DBT: variants seen among roughly 807,000 people sequenced by gnomAD.
The protein encoded by DBT is dihydrolipoamide branched chain transacylase E2, also known as lipoamide acyltransferase component of branched-chain alpha-keto acid dehydrogenase complex, mitochondrial.
Under a neutral mutation model 51.3 loss-of-function variants are expected in DBT, and 40 were observed. The observed-to-expected ratio is 0.78, with a 90% CI of 0.61 to 1.02. The LOEUF (loss-of-function observed/expected upper bound fraction) is 1.02, where lower values mean the gene tolerates loss of function less well. Among genes scored for constraint, DBT ranks in the 50% least tolerant of loss-of-function variants. The pLI is 0.00. For missense variants in DBT, 510 were observed against 580.2 expected, an observed-to-expected ratio of 0.88 and a Z score of 1.24; for synonymous variants, 181 against 190.4, an observed-to-expected ratio of 0.95 and a Z score of 0.41.
In DBT at chr1:100,191,474, A is replaced by G. The variant is rs983601935; in HGVS notation, c.*4781T>C. 3 of 152,164 alleles carry G rather than the reference A, an allele frequency of 2.0e-5. No homozygotes were observed. Among genetic ancestry groups the G allele is most frequent in the East Asian group, 3.8e-4 (2 of 5,200 alleles). 9.4% of individuals were successfully genotyped at this position (152,164 alleles called of 1,614,324 possible). A position where few individuals can be genotyped will look rare whatever the true frequency, so the allele number is the denominator to read the frequency against. On this transcript the variant is annotated 3_prime_UTR_variant, in exon 11 of 11. Transcript: ENST00000370132. Reference sequence around the variant, plus strand: ...TTAAAGAACTCTCTTAGAAAAATTCATAATTTAACACGAACTGAGGTGGGA... The same window carrying G: ...TTAAAGAACTCTCTTAGAAAAATTCGTAATTTAACACGAACTGAGGTGGGA...
At position 100,196,199 on chromosome 1, in the gene DBT, C is replaced by G; in HGVS notation, c.*56G>C. The G allele has an allele frequency of 7.1e-7, 1 of 1,404,876 alleles. No homozygotes were observed. Among genetic ancestry groups the G allele is most frequent in the Non-Finnish European group, 1.0e-6 (1 of 990,058 alleles). The allele number at this position is 1,404,876 out of a possible 1,614,324, so 87.0% of individuals were successfully genotyped here. On this transcript the variant is annotated 3_prime_UTR_variant, in exon 11 of 11. Coordinates refer to ENST00000370132, the MANE Select transcript of DBT (RefSeq NM_001918.5). ...TAAAGATGAACATGTGCTGGCACAG[C>G]TAGGGTTTACATACTCTTTGGAAGC... is the stretch of plus-strand genomic sequence containing the variant.
chr1:100,239,484 A>C (rs1423188586), intron 2 of DBT, among the ~76,000 whole-genome samples: 1 of 152,110 alleles, frequency 6.6e-6, no homozygotes, highest in East Asian at 1.9e-4. Flanking sequence ...CATAGAAAAA[A>C]CATGGAAGAT....
At chr1:100,233,489 A>C (rs563217540) in intron 3 of DBT, among the ~76,000 whole-genome samples, 2 of 152,344 alleles carry the variant, frequency 1.3e-5, no homozygotes, top group African/African-American at 2.4e-5. Flanking sequence ...TCTGCCCTTT[A>C]GCATTTTACC....
rs540734302 is a variant in DBT at position 100,202,232 on chromosome 1, C to CA, written c.1281+3997dup. ...GAAGATTTACCAAGCAAGTGGAAAG[C>CA]AAAAAAAAAGAAAAAGCAGGGGTTG... On this transcript the variant is annotated intron_variant, in intron 10 of 10. Transcript: ENST00000370132. Among the ~76,000 whole-genome samples the CA allele has an allele frequency of 3.6e-3, 519 of 145,934 alleles. 4 individuals carry two copies. The highest frequency in any genetic ancestry group is 0.012 in the African/African-American group (478 of 39,668).
intron 7 of DBT, chr1:100,213,820 G>A (rs1662310950): frequency 7.1e-7 from 1 of 1,416,852 alleles, no homozygotes. Flanking sequence ...GTTTCCCGGA[G>A]CGTGGAGAGG....
At chr1:100,204,804 A>C (rs921348375) in intron 10 of DBT, among the ~76,000 whole-genome samples, 10 of 152,192 alleles carry the variant, frequency 6.6e-5, no homozygotes, top group Non-Finnish European at 8.8e-5. Context: ...AACACCACAC[A>C]TCTACAACCC....
At chr1:100,211,730 A>C (rs1662156934) in intron 7 of DBT, among the ~76,000 whole-genome samples, 1 of 152,192 alleles carries the variant, frequency 6.6e-6, no homozygotes, top group South Asian at 2.1e-4. Context: ...AAATATAATT[A>C]AAAGAACTGC....
At chr1:100,201,026 C>T (rs563168686) in intron 10 of DBT, among the ~76,000 whole-genome samples, 1 of 152,172 alleles carries the variant, frequency 6.6e-6, no homozygotes, top group East Asian at 1.9e-4. Context: ...CAACTCCTCG[C>T]CAGCAAGGGA....
chr1:100,229,240 T>C (rs1369480335), intron 4 of DBT, among the ~76,000 whole-genome samples: 2 of 152,150 alleles, frequency 1.3e-5, no homozygotes, highest in African/African-American at 4.8e-5. Flanking sequence ...CGATCTCGGC[T>C]CACTGCAACC....
intron 5 of DBT, among the ~76,000 whole-genome samples, chr1:100,217,989 A>G (rs1662598620): frequency 6.6e-6 from 1 of 152,200 alleles, no homozygotes; most frequent in South Asian, 2.1e-4. Flanking sequence ...TCCTTATCTT[A>G]CAGGGTTAAA....
chr1:100,246,901 G>A (rs1664571038), intron 1 of DBT, among the ~76,000 whole-genome samples: 1 of 152,246 alleles, frequency 6.6e-6, no homozygotes, highest in African/African-American at 2.4e-5. Context: ...ATGAGTAGGT[G>A]TAACCCCGGG....
chr1:100,216,005 T>G lies in DBT; in HGVS notation c.750A>C (p.Lys250Asn). 3 of 1,603,434 alleles carry G rather than the reference T, an allele frequency of 1.9e-6. No individual in the cohort carries two copies. Among genetic ancestry groups the G allele is most frequent in the Non-Finnish European group, 2.6e-6 (3 of 1,170,260 alleles). ...LVSKPPVFTGKDKTEPIKGFQ... is the reference protein window; with the variant it reads ...LVSKPPVFTGNDKTEPIKGFQ... ...TACCTTTTATGGGTTCTGTTTTGTC[T>G]TTGCCTGTGAATACCGGAGGTTTTG... is the stretch of plus-strand genomic sequence containing the variant. Residue 250 changes from lysine (K) to asparagine (N), a missense_variant, in exon 6 of 11, where the codon AAA becomes AAC. Lys to Asn is a moderately conservative substitution (Grantham distance 94). Transcript: ENST00000370132.
intron 8 of DBT, among the ~76,000 whole-genome samples, chr1:100,209,414 G>A (rs1361427050): frequency 6.6e-6 from 1 of 151,346 alleles, no homozygotes; most frequent in Non-Finnish European, 1.5e-5. Flanking sequence ...TCATTTTCTT[G>A]CCTGAAATTT....
At chr1:100,230,385 T>C (rs147105170) in intron 4 of DBT, among the ~76,000 whole-genome samples, 163 of 152,330 alleles carry the variant, frequency 1.1e-3, no homozygotes, top group Non-Finnish European at 1.8e-3. Flanking sequence ...ATAACGTCAC[T>C]GACTTATGTG....
rs1479911573 is a variant in DBT at position 100,195,397 on chromosome 1, C to T, written c.*858G>A. 1 of 152,476 alleles carries T rather than the reference C, an allele frequency of 6.6e-6. No individual in the cohort carries two copies. Among genetic ancestry groups the T allele is most frequent in the Admixed American group, 6.6e-5 (1 of 15,262 alleles). 9.4% of individuals were successfully genotyped at this position (152,476 alleles called of 1,614,324 possible). A position where few individuals can be genotyped will look rare whatever the true frequency, so the allele number is the denominator to read the frequency against. On this transcript the variant is annotated 3_prime_UTR_variant, in exon 11 of 11. Transcript: ENST00000370132. ...ATTTTAAGGCCAGTTTATACTTTTC[C>T]CTTTTCAAAGACATTAATTAATATA...
chr1:100,196,110 C>T lies in DBT; in HGVS notation c.*145G>A, dbSNP rs1007282780. ...ATTTTCAGTAAAAAGTCTAATAGAACAGTGACAAATATTGTGCCTTAGATC... is the reference window on the plus strand; with the variant it reads ...ATTTTCAGTAAAAAGTCTAATAGAATAGTGACAAATATTGTGCCTTAGATC... On this transcript the variant is annotated 3_prime_UTR_variant, in exon 11 of 11. Transcript: ENST00000370132. 1.3e-6 allele frequency: 1 copy of T among 757,782 alleles called. No individual in the cohort carries two copies. The highest frequency in any genetic ancestry group is 2.2e-6 in the Non-Finnish European group (1 of 444,730). 46.9% of individuals were successfully genotyped at this position (757,782 alleles called of 1,614,324 possible).
intron 3 of DBT, 67 bp from the exon 4 acceptor site, chr1:100,230,981 A>G: frequency 1.0e-6 from 1 of 961,384 alleles, no homozygotes; most frequent in Non-Finnish European, 1.7e-6. Context: ...TTAAGGATGT[A>G]AATGCCATGC....
intron 8 of DBT, among the ~76,000 whole-genome samples, chr1:100,209,777 G>A (rs559414802): frequency 6.6e-6 from 1 of 151,900 alleles, no homozygotes; most frequent in South Asian, 2.1e-4. Flanking sequence ...GGCCAGGCTG[G>A]TCTCAAACTC....
intron 1 of DBT, among the ~76,000 whole-genome samples, chr1:100,242,659 T>G (rs1362435631): frequency 6.6e-6 from 1 of 152,232 alleles, no homozygotes; most frequent in Non-Finnish European, 1.5e-5. Flanking sequence ...CATTTCCATT[T>G]TGTTTGTCCT....
Sources: allele counts gnomAD v4.1 joint callset (sites outside exome capture counted in the v4.1 genomes callset), GRCh38; gene constraint gnomAD v4.1.1; transcripts MANE v1.5; gene names NCBI Gene and HGNC (gene_info 2026-07-23, HGNC 2026-07-21).